Variants in VSIG10 observed in about 807,000 individuals in gnomAD.
The protein encoded by VSIG10 is V-set and immunoglobulin domain-containing protein 10.
Under a neutral mutation model 58.7 loss-of-function variants are expected in VSIG10, and 48 were observed. The ratio of observed to expected loss-of-function variants is 0.82; its 90% CI spans 0.65 to 1.04. The LOEUF is 1.04. VSIG10 is among the 50% of genes least tolerant of loss of function. The probability of loss-of-function intolerance (pLI) is 0.00; values close to 1 mark genes in which losing one functional copy is unlikely to be tolerated. For missense variants in VSIG10, 628 were observed against 670.0 expected (o/e 0.94, Z 0.69); for synonymous variants, 260 against 267.1 (o/e 0.97, Z 0.26).
intron 1 of VSIG10, among the ~76,000 whole-genome samples, chr12:118,101,274 C>T (rs146673065): frequency 6.6e-6 from 1 of 152,260 alleles, no homozygotes; most frequent in East Asian, 1.9e-4. Flanking sequence ...TGATGTCTGA[C>T]ATAGACATGG....
At chr12:118,073,624 G>C (rs2032588285) in intron 5 of VSIG10, 75 bp downstream of exon 5, 3 of 1,503,686 alleles carry the variant, frequency 2.0e-6, no homozygotes, top group Non-Finnish European at 2.7e-6. Context: ...GGAGGCACCA[G>C]GCTGTCCTCA....
At chr12:118,083,691 T>C (rs370452590) in intron 2 of VSIG10, among the ~76,000 whole-genome samples, 1 of 152,292 alleles carries the variant, frequency 6.6e-6, no homozygotes, top group East Asian at 1.9e-4. Flanking sequence ...AATTTTTGTA[T>C]TTTTAGTAGA....
chr12:118,071,892 G>A (rs922001829), intron 5 of VSIG10, among the ~76,000 whole-genome samples: 4 of 152,226 alleles, frequency 2.6e-5, no homozygotes, highest in Non-Finnish European at 5.9e-5. Context: ...ACTAGAGCCC[G>A]GGCGCAGTGG....
intron 6 of VSIG10, 83 bp downstream of exon 6, chr12:118,071,276 G>T: frequency 7.1e-7 from 1 of 1,398,856 alleles, no homozygotes; most frequent in Non-Finnish European, 1.0e-6. Flanking sequence ...CTTCAGGTGG[G>T]AGCAAGGCAG....
rs75444306 is a variant in VSIG10 at position 118,066,834 on chromosome 12, C to T, written c.1568-140G>A. 3,872 of 887,176 alleles carry T rather than the reference C, an allele frequency of 4.4e-3. 81 individuals carry two copies. The East Asian group carries it at 0.054, about 12-fold the overall frequency. The allele number at this position is 887,176 out of a possible 1,614,324, so 55.0% of individuals were successfully genotyped here. A position where few individuals can be genotyped will look rare whatever the true frequency, so the allele number is the denominator to read the frequency against. ...GGATCTCATGGAGAAGGTAGGGCAG[C>T]GTGTGTTTTCCCCTTTTCACCTGTT... On this transcript the variant is annotated intron_variant, in intron 8 of 8. Transcript: ENST00000359236.
At chr12:118,098,244 TCCGC>T (rs1458862737) in intron 1 of VSIG10, among the ~76,000 whole-genome samples, 6 of 148,852 alleles carry the variant, frequency 4.0e-5, no homozygotes, top group African/African-American at 1.0e-4. Flanking sequence ...TCCCTCTCTC[TCCGC>T]CTCTCCCTCT....
chr12:118,071,322 T>C (rs2032481249), intron 6 of VSIG10, 37 bp downstream of exon 6: 1 of 1,590,652 alleles, frequency 6.3e-7, no homozygotes, highest in African/African-American at 1.3e-5. Context: ...TTTTCAAAAG[T>C]CTGGAAGAGA....
At chr12:118,077,504 A>T (rs1449944530) in intron 4 of VSIG10, among the ~76,000 whole-genome samples, 1 of 152,100 alleles carries the variant, frequency 6.6e-6, no homozygotes, top group African/African-American at 2.4e-5. Flanking sequence ...GCTCTGTGAA[A>T]GAGGAATGTT....
At chr12:118,093,816 G>A (rs56126663) in intron 2 of VSIG10, among the ~76,000 whole-genome samples, 4,651 of 152,142 alleles carry the variant, frequency 0.031, 236 homozygotes, top group African/African-American at 0.11. Flanking sequence ...GGCTGAGGCA[G>A]GAGAATCACT....
At position 118,095,658 on chromosome 12, in the gene VSIG10, C is replaced by CG; in HGVS notation, c.235dup (p.Arg79ProfsTer13). On this transcript the variant is annotated frameshift_variant, in exon 2 of 9. Coordinates refer to ENST00000359236, the MANE Select transcript of VSIG10 (RefSeq NM_019086.6). LOFTEE classifies it high-confidence loss of function. ...GGAGGTGGCATCCACTAGAGAGAAG[C>CG]GAGGCTCAGCTGGCCGGAGGCTAGA... is the stretch of plus-strand genomic sequence containing the variant. 3.1e-6 allele frequency: 5 copies of CG among 1,613,916 alleles called. No individual in the cohort carries two copies. The highest frequency in any genetic ancestry group is 4.2e-6 in the Non-Finnish European group (5 of 1,179,882).
At position 118,082,316 on chromosome 12, in the gene VSIG10, G is replaced by A; in HGVS notation, c.475C>T (p.Pro159Ser). The change falls in exon 3 of 9, where the codon CCA (proline) becomes TCA (serine). Residue 159 changes from proline to serine, a missense_variant. Pro to Ser is a moderately conservative substitution (Grantham distance 74). Coordinates refer to ENST00000359236, the MANE Select transcript of VSIG10 (RefSeq NM_019086.6). ...VDFSCNSSSRPPPVVEWWFQA... is the reference protein window; with the variant it reads ...VDFSCNSSSRSPPVVEWWFQA... ...AACCACCATTCAACCACGGGTGGTG[G>A]CCTGGAGCTGCTGTTGCAGCTGAAG... The A allele has an allele frequency of 6.2e-7, 1 of 1,613,996 alleles. No individual in the cohort carries two copies. Among genetic ancestry groups the A allele is most frequent in the Non-Finnish European group, 8.5e-7 (1 of 1,179,890 alleles).
intron 7 of VSIG10, among the ~76,000 whole-genome samples, chr12:118,070,513 A>G (rs1336577702): frequency 2.0e-5 from 3 of 147,502 alleles, no homozygotes; most frequent in Non-Finnish European, 4.4e-5. Flanking sequence ...GCACCACTGC[A>G]CTCCAGCCTG....
At chr12:118,069,422 CTTCTTTTTT>C (rs2032391631) in intron 7 of VSIG10, among the ~76,000 whole-genome samples, 1 of 111,632 alleles carries the variant, frequency 9.0e-6, no homozygotes, top group South Asian at 3.0e-4. Flanking sequence ...TCTTCTTCTT[CTTCTTTTTT>C]TTTTTTTTTT....
chr12:118,079,369 C>A lies in VSIG10; in HGVS notation c.902G>T (p.Gly301Val), dbSNP rs758434173. Residue 301 changes from glycine (G) to valine (V), a missense_variant, in exon 4 of 9, where the codon GGC becomes GTC. Transcript: ENST00000359236. ...VTSHIVGPES[G>V]ASCMVQIRGP... The stretch of plus-strand genomic sequence containing the variant: ...ACTGATCTGCACCATGCAGCTGGCG[C>A]CCGACTCTGGCCCAACTATGTGGCT... 1.9e-6 allele frequency: 3 copies of A among 1,613,994 alleles called. No individual in the cohort carries two copies. Among genetic ancestry groups the A allele is most frequent in the Non-Finnish European group, 2.5e-6 (3 of 1,179,884 alleles).
intron 4 of VSIG10, among the ~76,000 whole-genome samples, chr12:118,078,708 G>A (rs951880297): frequency 6.6e-6 from 1 of 151,794 alleles, no homozygotes; most frequent in East Asian, 1.9e-4. Context: ...TTAGGAGGCC[G>A]AGGCAGGTAG....
chr12:118,078,631 C>T (rs11068813), intron 4 of VSIG10, among the ~76,000 whole-genome samples: 14 of 151,976 alleles, frequency 9.2e-5, no homozygotes, highest in South Asian at 4.2e-4. Flanking sequence ...GCACAGCCTA[C>T]GGAACTATGA....
intron 2 of VSIG10, among the ~76,000 whole-genome samples, chr12:118,089,815 A>G (rs1473851163): frequency 6.6e-6 from 1 of 152,004 alleles, no homozygotes; most frequent in Non-Finnish European, 1.5e-5. Flanking sequence ...TCTCCTTCCA[A>G]AATATTTTCC....
At position 118,095,511 on chromosome 12, in the gene VSIG10, G is replaced by A. The variant is rs767796598; in HGVS notation, c.361+22C>T. On this transcript the variant is annotated intron_variant, in intron 2 of 8. Transcript: ENST00000359236. ...AGGCTCCGAGCACCTCTCCAGCCCC[G>A]GTCCCTGCCAGCCCCACTTACTGGC... 5.3e-5 allele frequency: 86 copies of A among 1,612,800 alleles called. No individual in the cohort carries two copies. The East Asian group carries it at 5.6e-4, about 10-fold the overall frequency.
chr12:118,089,932 T>C (rs1210625291), intron 2 of VSIG10, among the ~76,000 whole-genome samples: 4 of 152,192 alleles, frequency 2.6e-5, no homozygotes, highest in African/African-American at 9.7e-5. Context: ...CTCTTCTTGA[T>C]ACCAAACACA....
Sources: allele counts gnomAD v4.1 joint callset (sites outside exome capture counted in the v4.1 genomes callset), GRCh38; gene constraint gnomAD v4.1.1; transcripts MANE v1.5; gene names NCBI Gene and HGNC (gene_info 2026-07-23, HGNC 2026-07-21).